The following KCTD17 variants were observed in gnomAD, a reference collection of about 807,000 sequenced individuals.
The protein encoded by KCTD17 is potassium channel tetramerization domain containing 17.
In KCTD17, 20 loss-of-function variants were observed where a neutral mutation model predicts 41.5. The ratio of observed to expected loss-of-function variants is 0.48; its 90% CI spans 0.34 to 0.70. The LOEUF (loss-of-function observed/expected upper bound fraction) is 0.70, where lower values mean the gene tolerates loss of function less well. Ranked by LOEUF, KCTD17 falls within the 30% of genes least tolerant of loss-of-function variation. The pLI, the probability that KCTD17 is intolerant of heterozygous loss-of-function variation, is 0.01. For missense variants in KCTD17, 317 were observed against 427.2 expected (o/e 0.74, Z 2.27); for synonymous variants, 156 against 173.8 (o/e 0.90, Z 0.80).
intron 4 of KCTD17, among the ~76,000 whole-genome samples, chr22:37,058,726 G>A (rs904173119): frequency 2.0e-5 from 3 of 152,192 alleles, no homozygotes; most frequent in African/African-American, 7.2e-5. Flanking sequence ...TGGAACAAGG[G>A]CAGGGCCACT....
chr22:37,058,889 G>T (rs1430347403), intron 4 of KCTD17, among the ~76,000 whole-genome samples: 2 of 152,208 alleles, frequency 1.3e-5, no homozygotes, highest in African/African-American at 2.4e-5. Context: ...ATTCTGTGGG[G>T]CTCCACCTTG....
rs781117547 is a variant in KCTD17 at position 37,056,367 on chromosome 22, A to C, written c.346A>C (p.Ile116Leu). The change falls in exon 3 of 9, where the codon ATC (isoleucine) becomes CTC (leucine). Residue 116 changes from isoleucine to leucine, a missense_variant. Transcript: ENST00000403888. ...CTACAACATCGGCCCGCTGATCCGC[A>C]TCATCAAAGACCGGATGGAAGAGAA... ...EFYNIGPLIR[I>L]IKDRMEEKDY... is the part of the protein sequence containing the mutation. 4.3e-6 allele frequency: 7 copies of C among 1,613,756 alleles called. No homozygotes were observed. In the African/African-American group the frequency reaches 5.3e-5, roughly 12 times the overall value.
At chr22:37,058,900 C>G (rs1355002738) in intron 4 of KCTD17, among the ~76,000 whole-genome samples, 1 of 152,226 alleles carries the variant, frequency 6.6e-6, no homozygotes, top group Non-Finnish European at 1.5e-5. Flanking sequence ...CTCCACCTTG[C>G]CAATGCCACC....
intron 3 of KCTD17, 31 bp downstream of exon 3, chr22:37,056,442 G>A (rs1925124753): frequency 1.9e-6 from 3 of 1,572,242 alleles, no homozygotes; most frequent in Non-Finnish European, 1.7e-6. Flanking sequence ...ACACGGCCAG[G>A]GCAGGGGCCA....
Position 37,052,951 on chromosome 22 carries a change from C to A in KCTD17, c.190-149C>A, listed in dbSNP as rs1216763766. 4.7e-6 allele frequency: 3 copies of A among 633,712 alleles called. No homozygotes were observed. The African/African-American group carries it at 5.4e-5, about 11-fold the overall frequency. 39.3% of individuals were successfully genotyped at this position (633,712 alleles called of 1,614,324 possible). A position where few individuals can be genotyped will look rare whatever the true frequency, so the allele number is the denominator to read the frequency against. The stretch of plus-strand genomic sequence containing the variant: ...CAGAAGCAGGGCTTGAACTCAGGTC[C>A]ATCTGACCCCAGTGCCTTTTTGCTA... On this transcript the variant is annotated intron_variant, in intron 1 of 8. Transcript: ENST00000403888.
At position 37,056,659 on chromosome 22, in the gene KCTD17, C is replaced by T. The variant is rs191826136; in HGVS notation, c.390+248C>T. On this transcript the variant is annotated intron_variant, in intron 3 of 8. Transcript: ENST00000403888. ...CATTTGCTGTGTGTTGGGCCAGGCTCGCCCTCTCCGGACCTTGATTTTCTC... is the reference window on the plus strand; with the variant it reads ...CATTTGCTGTGTGTTGGGCCAGGCTTGCCCTCTCCGGACCTTGATTTTCTC... Among the ~76,000 whole-genome samples, 265 of 152,290 alleles carry T rather than the reference C, an allele frequency of 1.7e-3. 1 individual carries two copies. Among genetic ancestry groups the T allele is most frequent in the Admixed American group, 0.015 (233 of 15,288 alleles).
intron 5 of KCTD17, among the ~76,000 whole-genome samples, chr22:37,059,904 T>TC (rs1311195185): frequency 6.6e-6 from 1 of 152,184 alleles, no homozygotes; most frequent in African/African-American, 2.4e-5. Context: ...CAGGTGCATG[T>TC]CCCCAGCTGG....
intron 8 of KCTD17, 136 bp from the exon 9 acceptor site, chr22:37,062,389 C>G: frequency 7.0e-7 from 1 of 1,418,810 alleles, no homozygotes; most frequent in East Asian, 2.8e-5. Context: ...AAGCCTGTGA[C>G]TCAACTGCCT....
Position 37,060,922 on chromosome 22 carries a change from G to A in KCTD17, c.712G>A (p.Ala238Thr). 1 of 1,540,332 alleles carries A rather than the reference G, an allele frequency of 6.5e-7. No homozygotes were observed. Among genetic ancestry groups the A allele is most frequent in the Non-Finnish European group, 8.8e-7 (1 of 1,140,808 alleles). ...GGTGGAGGCAGATGCACAGGAGAAAGGTGCAGCCAACCCCCAGGAGGATGA... is the reference window on the plus strand; with the variant it reads ...GGTGGAGGCAGATGCACAGGAGAAAAGTGCAGCCAACCCCCAGGAGGATGA... ...VQVEADAQEKAQSSQDPANLF... is the reference protein window; with the variant it reads ...VQVEADAQEKTQSSQDPANLF... Residue 238 changes from alanine (A) to threonine (T), a missense_variant and splice_region_variant, in exon 6 of 9, where the codon GCC (alanine) becomes ACC (threonine). By Grantham distance (58) the Ala-to-Thr change is moderately conservative. Transcript: ENST00000403888.
chr22:37,059,571 C>A, intron 5 of KCTD17, 133 bp downstream of exon 5: 1 of 1,069,590 alleles, frequency 9.3e-7, no homozygotes, highest in Non-Finnish European at 1.3e-6. Flanking sequence ...ACCCCATGCT[C>A]ACAGCCACCG....
intron 5 of KCTD17, 38 bp downstream of exon 5, chr22:37,059,476 T>C (rs757300552): frequency 2.5e-6 from 4 of 1,577,550 alleles, no homozygotes; most frequent in South Asian, 1.2e-5. Context: ...CGGAGAAGTC[T>C]CCTGTCTCCC....
chr22:37,058,505 AT>A (rs76833367), intron 4 of KCTD17, among the ~76,000 whole-genome samples: 49,703 of 152,066 alleles, frequency 0.33, 8,650 homozygotes, highest in African/African-American at 0.45. Flanking sequence ...CATGCAAATC[AT>A]TAGAAATCCA....
At chr22:37,052,037 T>G in intron 1 of KCTD17, 88 bp downstream of exon 1, 5 of 1,164,176 alleles carry the variant, frequency 4.3e-6, no homozygotes, top group South Asian at 2.7e-5. Flanking sequence ...CCCGCCAGGC[T>G]GGGGACCCGG....
chr22:37,055,992 A>G (rs1004545374), intron 2 of KCTD17, among the ~76,000 whole-genome samples: 1 of 152,190 alleles, frequency 6.6e-6, no homozygotes, highest in Non-Finnish European at 1.5e-5. Flanking sequence ...GGCCCTGCTC[A>G]TGGTGACATT....
Position 37,062,720 on chromosome 22 carries a change from G to GC in KCTD17, c.*132dup. Reference sequence around the variant, plus strand: ...CTCCTGCCTCCAGGGGCGGGGCGGGGCCCCCCTGGGACCTCTTAAGGCCCA... The same window carrying GC: ...CTCCTGCCTCCAGGGGCGGGGCGGGGCCCCCCCTGGGACCTCTTAAGGCCCA... On this transcript the variant is annotated 3_prime_UTR_variant, in exon 9 of 9. Coordinates refer to ENST00000403888, the MANE Select transcript of KCTD17 (RefSeq NM_001282684.2). 1.3e-6 allele frequency: 2 copies of GC among 1,500,686 alleles called. No individual in the cohort carries two copies. The highest frequency in any genetic ancestry group is 1.8e-6 in the Non-Finnish European group (2 of 1,125,930). The allele number at this position is 1,500,686 out of a possible 1,614,324, so 93.0% of individuals were successfully genotyped here. A position where few individuals can be genotyped will look rare whatever the true frequency, so the allele number is the denominator to read the frequency against.
Position 37,056,431 on chromosome 22 carries a change from C to A in KCTD17, c.390+20C>A, listed in dbSNP as rs1433099272. On this transcript the variant is annotated intron_variant, in intron 3 of 8. Coordinates refer to ENST00000403888, the MANE Select transcript of KCTD17 (RefSeq NM_001282684.2). Reference sequence around the variant, plus strand: ...ACCCAGGTCGGGAGCAGGGGCAGCACACACGGCCAGGGCAGGGGCCAGTGG... The same window carrying A: ...ACCCAGGTCGGGAGCAGGGGCAGCAAACACGGCCAGGGCAGGGGCCAGTGG... 2.5e-6 allele frequency: 4 copies of A among 1,600,988 alleles called. No homozygotes were observed.
At chr22:37,062,202 C>A (rs1601502171) in intron 8 of KCTD17, 9 of 985,288 alleles carry the variant, frequency 9.1e-6, no homozygotes, top group Middle Eastern at 5.2e-4. Context: ...TGAGCAACCC[C>A]CATCCCACCC....
chr22:37,059,394 A>G lies in KCTD17; in HGVS notation c.568A>G (p.Ser190Gly). 6.2e-7 allele frequency: 1 copy of G among 1,612,592 alleles called. No individual in the cohort carries two copies. The highest frequency in any genetic ancestry group is 8.5e-7 in the Non-Finnish European group (1 of 1,179,818). The change falls in exon 5 of 9, where the codon AGC (serine) becomes GGC (glycine). Residue 190 changes from serine (S) to glycine (G), a missense_variant. Ser to Gly is a moderately conservative substitution (Grantham distance 56). Around this residue, in one of 4 missense-constraint regions of KCTD17, gnomAD observed 177 missense variants for 194.4 expected, o/e 0.91. Coordinates refer to ENST00000403888, the MANE Select transcript of KCTD17 (RefSeq NM_001282684.2). ...GTGTGTGGTGTCCAAGGAGCTCCAC[A>G]GCACCCCAAACGGGCTGAGCTCAGA... ...FLCVVSKELH[S>G]TPNGLSSESS... is the part of the protein sequence containing the mutation.
intron 1 of KCTD17, chr22:37,052,370 G>T (rs76498710): frequency 0.01 from 3,841 of 380,366 alleles, 118 homozygotes; most frequent in African/African-American, 0.07. Flanking sequence ...GAGCCCTGGG[G>T]CGCCTTCTGA....
Sources: allele counts gnomAD v4.1 joint callset (sites outside exome capture counted in the v4.1 genomes callset), GRCh38; gene constraint gnomAD v4.1.1; regional missense constraint gnomAD v4.1.1; transcripts MANE v1.5; gene names NCBI Gene and HGNC (gene_info 2026-07-23, HGNC 2026-07-21).